GID4: variants seen among roughly 807,000 people sequenced by gnomAD.
GID4 encodes glucose-induced degradation protein 4 homolog.
In GID4, 7 loss-of-function variants were observed where a neutral mutation model predicts 32.4. The observed-to-expected ratio is 0.22, with a 90% CI of 0.12 to 0.41. The LOEUF (loss-of-function observed/expected upper bound fraction) is 0.41. Ranked by LOEUF, GID4 falls within the 10% of genes least tolerant of loss-of-function variation. The probability of loss-of-function intolerance (pLI) is 1.00; values close to 1 mark genes in which losing one functional copy is unlikely to be tolerated. For missense variants in GID4, 309 were observed against 400.0 expected (o/e 0.77, Z 1.94); for synonymous variants, 166 against 170.0 (o/e 0.98, Z 0.18).
At chr17:18,047,310 C>T (rs1022940040) in intron 2 of GID4, among the ~76,000 whole-genome samples, 2 of 152,202 alleles carry the variant, frequency 1.3e-5, no homozygotes, top group Non-Finnish European at 2.9e-5. Flanking sequence ...TAGCCAAATA[C>T]ATTAGTTAAC....
intron 3 of GID4, among the ~76,000 whole-genome samples, chr17:18,055,532 A>G (rs115192124): frequency 4.6e-5 from 7 of 152,306 alleles, no homozygotes; most frequent in Admixed American, 3.3e-4. Context: ...TCTGTCGTCT[A>G]TGCTGGAGTG....
intron 5 of GID4, among the ~76,000 whole-genome samples, chr17:18,063,079 T>G (rs1414615163): frequency 8.6e-4 from 2 of 2,320 alleles, no homozygotes; most frequent in Non-Finnish European, 1.8e-3. Flanking sequence ...ATCTCAAAAA[T>G]AAATAAATAA....
At chr17:18,053,757 T>C (rs2044937737) in intron 2 of GID4, among the ~76,000 whole-genome samples, 1 of 152,230 alleles carries the variant, frequency 6.6e-6, no homozygotes, top group Non-Finnish European at 1.5e-5. Context: ...TTTTGGAGCC[T>C]CTTTGGGTCT....
In GID4 at chr17:18,061,725, A is replaced by T; in HGVS notation, c.709-120A>T. Reference sequence around the variant, plus strand: ...CGCCATCACCCAGCAAGTCTAGGTTAGACTATGAGATCCTATATTTTTCTC... The same window carrying T: ...CGCCATCACCCAGCAAGTCTAGGTTTGACTATGAGATCCTATATTTTTCTC... On this transcript the variant is annotated intron_variant, in intron 4 of 5. Transcript: ENST00000268719. This position sits in a 1 kb window ranked among gnomAD's most constrained non-coding sequence, Gnocchi z 4.4. 1 of 942,950 alleles carries T rather than the reference A, an allele frequency of 1.1e-6. No homozygotes were observed. Among genetic ancestry groups the T allele is most frequent in the Admixed American group, 1.9e-5 (1 of 51,350 alleles). The allele number at this position is 942,950 out of a possible 1,614,324, so 58.4% of individuals were successfully genotyped here. A position where few individuals can be genotyped will look rare whatever the true frequency, so the allele number is the denominator to read the frequency against.
At chr17:18,065,114 AC>A in intron 5 of GID4, 65 bp from the exon 6 acceptor site, 1 of 1,139,310 alleles carries the variant, frequency 8.8e-7, no homozygotes, top group Non-Finnish European at 1.3e-6. Flanking sequence ...TTGAGGGGTT[AC>A]TAATGTCCTT....
Position 18,039,726 on chromosome 17 carries a change from A to T in GID4, c.262A>T (p.Thr88Ser). ...GGGGGACCCCGCGATGCCGGTCCGCACCGAGTGTCCCCCGCCGGCCGGTGC... is the reference window on the plus strand; with the variant it reads ...GGGGGACCCCGCGATGCCGGTCCGCTCCGAGTGTCCCCCGCCGGCCGGTGC... ...APGDPAMPVRTECPPPAGASA... is the reference protein window; with the variant it reads ...APGDPAMPVRSECPPPAGASA... Residue 88 changes from threonine to serine, a missense_variant, in exon 1 of 6, where the codon ACC (threonine) becomes TCC (serine). Thr to Ser is a moderately conservative substitution (Grantham distance 58). Coordinates refer to ENST00000268719, the MANE Select transcript of GID4 (RefSeq NM_024052.5). This position sits in a 1 kb window ranked among gnomAD's most constrained non-coding sequence, Gnocchi z 5.3. 2 of 1,515,422 alleles carry T rather than the reference A, an allele frequency of 1.3e-6. No homozygotes were observed. The highest frequency in any genetic ancestry group is 1.8e-6 in the Non-Finnish European group (2 of 1,132,692). The allele number at this position is 1,515,422 out of a possible 1,614,324, so 93.9% of individuals were successfully genotyped here.
rs749184399 is a variant in GID4 at position 18,058,851 on chromosome 17, C to G, written c.607-17C>G. 4.0e-6 allele frequency: 6 copies of G among 1,511,974 alleles called. No individual in the cohort carries two copies. The highest frequency in any genetic ancestry group is 2.2e-5 in the South Asian group (2 of 88,922). 93.7% of individuals were successfully genotyped at this position (1,511,974 alleles called of 1,614,324 possible). A position where few individuals can be genotyped will look rare whatever the true frequency, so the allele number is the denominator to read the frequency against. On this transcript the variant is annotated splice_polypyrimidine_tract_variant and intron_variant, in intron 3 of 5. Coordinates refer to ENST00000268719, the MANE Select transcript of GID4 (RefSeq NM_024052.5). ...CCTTCTCTCAGTCAATCGGCACACT[C>G]TCTTTTCTGCTTTCAGGGCAAGTTT...
In GID4 at chr17:18,061,719, T is replaced by A; in HGVS notation, c.709-126T>A. Reference sequence around the variant, plus strand: ...CGGGCCCGCCATCACCCAGCAAGTCTAGGTTAGACTATGAGATCCTATATT... The same window carrying A: ...CGGGCCCGCCATCACCCAGCAAGTCAAGGTTAGACTATGAGATCCTATATT... On this transcript the variant is annotated intron_variant, in intron 4 of 5. Coordinates refer to ENST00000268719, the MANE Select transcript of GID4 (RefSeq NM_024052.5). This position sits in a 1 kb window ranked among gnomAD's most constrained non-coding sequence, Gnocchi z 4.4. The A allele has an allele frequency of 1.1e-6, 1 of 891,870 alleles. No homozygotes were observed. The highest frequency in any genetic ancestry group is 1.8e-6 in the Non-Finnish European group (1 of 562,590). The allele number at this position is 891,870 out of a possible 1,614,324, so 55.2% of individuals were successfully genotyped here. A position where few individuals can be genotyped will look rare whatever the true frequency, so the allele number is the denominator to read the frequency against.
chr17:18,044,874 G>A (rs908960377), intron 1 of GID4, among the ~76,000 whole-genome samples: 2 of 152,324 alleles, frequency 1.3e-5, no homozygotes, highest in African/African-American at 2.4e-5. Flanking sequence ...TACAGAAAAT[G>A]AATTTGAGTG....
At position 18,065,262 on chromosome 17, in the gene GID4, A is replaced by G; in HGVS notation, c.*19A>G. On this transcript the variant is annotated 3_prime_UTR_variant, in exon 6 of 6. Coordinates refer to ENST00000268719, the MANE Select transcript of GID4 (RefSeq NM_024052.5). The stretch of plus-strand genomic sequence containing the variant: ...CCGGTGACAACGGTTCAGAACAGCA[A>G]CCAAATAAAACTGAACTTGGCAAAA... The G allele has an allele frequency of 6.3e-7, 1 of 1,598,912 alleles. No homozygotes were observed. Among genetic ancestry groups the G allele is most frequent in the South Asian group, 1.1e-5 (1 of 90,788 alleles).
intron 2 of GID4, among the ~76,000 whole-genome samples, chr17:18,052,143 CCT>C (rs933150687): frequency 6.6e-6 from 1 of 150,708 alleles, no homozygotes; most frequent in Non-Finnish European, 1.5e-5. Context: ...GAAAATTTCT[CCT>C]CTCTCATTTT....
intron 4 of GID4, among the ~76,000 whole-genome samples, chr17:18,060,823 TC>T (rs1376327738): frequency 6.6e-6 from 1 of 152,126 alleles, no homozygotes; most frequent in Admixed American, 6.6e-5. Context: ...AACCTCCCCG[TC>T]CCGTGTTCAA....
intron 2 of GID4, among the ~76,000 whole-genome samples, chr17:18,045,444 C>T (rs1323087414): frequency 6.6e-6 from 1 of 152,108 alleles, no homozygotes; most frequent in Non-Finnish European, 1.5e-5. Context: ...TTGTCACAAC[C>T]AACACTATTG....
intron 2 of GID4, among the ~76,000 whole-genome samples, chr17:18,048,696 G>A (rs761679313): frequency 6.6e-6 from 1 of 151,660 alleles, no homozygotes; most frequent in Non-Finnish European, 1.5e-5. Flanking sequence ...GGGCTGGAGT[G>A]CAGTTGTGTG....
chr17:18,043,689 T>G (rs1250919926), intron 1 of GID4, among the ~76,000 whole-genome samples: 1 of 152,260 alleles, frequency 6.6e-6, no homozygotes, highest in East Asian at 1.9e-4. Flanking sequence ...TCTGGTTGAC[T>G]AAGTTCATTA....
At chr17:18,059,466 C>A (rs769839150) in intron 4 of GID4, among the ~76,000 whole-genome samples, 1 of 152,184 alleles carries the variant, frequency 6.6e-6, no homozygotes, top group African/African-American at 2.4e-5. Context: ...CTCTACTTCC[C>A]TCCAGCTCAG....
intron 3 of GID4, chr17:18,057,149 A>G: frequency 7.8e-7 from 1 of 1,283,320 alleles, no homozygotes; most frequent in Non-Finnish European, 1.0e-6. Context: ...TGTCTATGTG[A>G]CACCAGGTGT....
intron 2 of GID4, among the ~76,000 whole-genome samples, chr17:18,052,723 C>T (rs1301790861): frequency 1.3e-5 from 2 of 152,194 alleles, no homozygotes; most frequent in Admixed American, 1.3e-4. Context: ...CTTATTAACA[C>T]ATGAACAAAG....
At chr17:18,059,722 A>G (rs2045001645) in intron 4 of GID4, among the ~76,000 whole-genome samples, 2 of 152,186 alleles carry the variant, frequency 1.3e-5, no homozygotes, top group African/African-American at 4.8e-5. Flanking sequence ...AAATCTTGTC[A>G]GCTTTCATAA....
Sources: allele counts gnomAD v4.1 joint callset (sites outside exome capture counted in the v4.1 genomes callset), GRCh38; gene constraint gnomAD v4.1.1; non-coding constraint Gnocchi (gnomAD v3.1); transcripts MANE v1.5; gene names NCBI Gene and HGNC (gene_info 2026-07-23, HGNC 2026-07-21).